Variants in INSR observed in about 807,000 individuals in gnomAD.
The protein encoded by INSR is insulin receptor.
INSR carries 67 observed loss-of-function variants against 142.6 expected under a neutral mutation model. The ratio of observed to expected loss-of-function variants is 0.47; its 90% CI spans 0.39 to 0.58. The LOEUF is 0.58. Among genes scored for constraint, INSR ranks in the 20% least tolerant of loss-of-function variants. INSR has a pLI of 0.00. For missense variants in INSR, 1,248 were observed against 1,833.2 expected, an observed-to-expected ratio of 0.68 and a Z score of 5.83; for synonymous variants, 756 against 743.1, an observed-to-expected ratio of 1.02 and a Z score of -0.28.
At chr19:7,163,948 A>AAAAAAAAAATATATATATATATATAT (rs1411048837) in intron 8 of INSR, among the ~76,000 whole-genome samples, 1 of 136,030 alleles carries the variant, frequency 7.4e-6, no homozygotes, top group African/African-American at 3.2e-5. Context: ...AAAAAAAAAA[A>AAAAAAAAAATATATATATATATATAT]ATTAGCTGGA....
intron 19 of INSR, 30 bp downstream of exon 19, chr19:7,122,584 T>C (rs1972519711): frequency 6.2e-7 from 1 of 1,613,632 alleles, no homozygotes; most frequent in Admixed American, 1.7e-5. Flanking sequence ...CCTGGGTCGT[T>C]ATGTTTTCAA....
At chr19:7,143,668 A>G (rs1362734504) in intron 11 of INSR, among the ~76,000 whole-genome samples, 1 of 152,222 alleles carries the variant, frequency 6.6e-6, no homozygotes, top group Non-Finnish European at 1.5e-5. Flanking sequence ...CATCTATGCA[A>G]TTGGCACACT....
intron 2 of INSR, among the ~76,000 whole-genome samples, chr19:7,246,370 G>A (rs927890954): frequency 9.2e-5 from 14 of 152,174 alleles, no homozygotes; most frequent in African/African-American, 2.9e-4. Context: ...GCCAACTGGA[G>A]GATGAGCAGC....
intron 2 of INSR, among the ~76,000 whole-genome samples, chr19:7,221,333 C>T (rs148636433): frequency 5.8e-4 from 87 of 150,504 alleles, no homozygotes; most frequent in African/African-American, 2.0e-3. Flanking sequence ...GAGATTGTGC[C>T]ACTGCACTCG....
rs1972282387 is a variant in INSR, at chr19:7,114,755, GA to G, written c.*2300del. Reference sequence around the variant, plus strand: ...CATGCGCTCCATTTTTTATGAGAGTGATTTTCAGAGTGATTTTATATATTAA... The same window carrying G: ...CATGCGCTCCATTTTTTATGAGAGTGTTTTCAGAGTGATTTTATATATTAA... On this transcript the variant is annotated 3_prime_UTR_variant, in exon 22 of 22. Coordinates refer to ENST00000302850, the MANE Select transcript of INSR (RefSeq NM_000208.4). 1 of 152,496 alleles carries G rather than the reference GA, an allele frequency of 6.6e-6. No homozygotes were observed. The highest frequency in any genetic ancestry group is 2.4e-5 in the African/African-American group (1 of 41,384). The allele number at this position is 152,496 out of a possible 1,614,324, so 9.4% of individuals were successfully genotyped here.
chr19:7,139,821 C>CTTTTTTTTT (rs10673049), intron 13 of INSR, among the ~76,000 whole-genome samples: 2 of 115,730 alleles, frequency 1.7e-5, no homozygotes, highest in Non-Finnish European at 3.3e-5. Context: ...GTTGCGTATT[C>CTTTTTTTTT]TTTTTTTTTT....
intron 1 of INSR, among the ~76,000 whole-genome samples, chr19:7,286,173 G>A (rs898216198): frequency 6.6e-6 from 1 of 151,484 alleles, no homozygotes; most frequent in Admixed American, 6.6e-5. Flanking sequence ...TGTAGAGACG[G>A]GGTCTTGCTA....
chr19:7,181,533 C>A (rs1228284927), intron 3 of INSR, among the ~76,000 whole-genome samples: 1 of 150,386 alleles, frequency 6.6e-6, no homozygotes, highest in African/African-American at 2.4e-5. Flanking sequence ...CCAGCAGGTA[C>A]TTTGGAACGA....
intron 1 of INSR, among the ~76,000 whole-genome samples, chr19:7,275,736 G>A (rs1054704375): frequency 2.9e-4 from 44 of 150,994 alleles, no homozygotes; most frequent in African/African-American, 9.7e-4. Flanking sequence ...GCAGTGAGCC[G>A]AGATTGTGCC....
intron 1 of INSR, among the ~76,000 whole-genome samples, chr19:7,272,297 T>G (rs1967946206): frequency 6.6e-6 from 1 of 151,502 alleles, no homozygotes. Context: ...AGAGTGAGAC[T>G]CCGTCTCTAA....
intron 2 of INSR, among the ~76,000 whole-genome samples, chr19:7,205,116 C>T (rs1344135782): frequency 1.3e-5 from 2 of 152,178 alleles, no homozygotes; most frequent in South Asian, 2.1e-4. Context: ...AAAACACCTC[C>T]TGTTGCTTGT....
chr19:7,243,850 T>C (rs1976444350), intron 2 of INSR, among the ~76,000 whole-genome samples: 1 of 152,202 alleles, frequency 6.6e-6, no homozygotes, highest in Non-Finnish European at 1.5e-5. Flanking sequence ...AAAGCAAGGA[T>C]GATTTTATAT....
intron 2 of INSR, among the ~76,000 whole-genome samples, chr19:7,218,911 T>A (rs77017252): frequency 0.16 from 24,178 of 151,932 alleles, 2,487 homozygotes; most frequent in Non-Finnish European, 0.23. Context: ...GAAAAGCATG[T>A]AGGTAGAGGG....
intron 13 of INSR, among the ~76,000 whole-genome samples, chr19:7,140,063 A>G (rs1279735901): frequency 6.6e-6 from 1 of 151,718 alleles, no homozygotes; most frequent in African/African-American, 2.4e-5. Flanking sequence ...CCTGACCTCA[A>G]CCCTGTTGCA....
intron 2 of INSR, among the ~76,000 whole-genome samples, chr19:7,222,668 C>T (rs1975656152): frequency 6.6e-6 from 1 of 151,652 alleles, no homozygotes; most frequent in Admixed American, 6.6e-5. Context: ...GCTGGGATTA[C>T]AGGCATGAGC....
intron 3 of INSR, among the ~76,000 whole-genome samples, chr19:7,182,526 T>A (rs2894552): frequency 0.65 from 98,565 of 151,890 alleles, 32,236 homozygotes; most frequent in East Asian, 0.83. Context: ...ATAAATAAAT[T>A]AATTAATTAA....
chr19:7,232,848 A>G (rs563277152), intron 2 of INSR, among the ~76,000 whole-genome samples: 131 of 152,284 alleles, frequency 8.6e-4, no homozygotes, highest in Middle Eastern at 6.8e-3. Context: ...TAATCAAAGA[A>G]ATAACAGTAG....
chr19:7,214,083 G>C (rs1010808471), intron 2 of INSR, among the ~76,000 whole-genome samples: 4 of 152,148 alleles, frequency 2.6e-5, no homozygotes, highest in Admixed American at 6.6e-5. Context: ...CTATGAACCA[G>C]CTTCACAATA....
At chr19:7,151,158 CTT>C (rs1491155823) in intron 10 of INSR, among the ~76,000 whole-genome samples, 5 of 7,154 alleles carry the variant, frequency 7.0e-4, no homozygotes, top group Non-Finnish European at 1.8e-3. Context: ...TCCTTTCTTT[CTT>C]TCTCTTTCTT....
Sources: gnomAD v4.1 joint callset for allele counts (sites outside exome capture counted in the v4.1 genomes callset) on GRCh38, gnomAD v4.1.1 for gene constraint, MANE v1.5 for transcripts, NCBI Gene and HGNC (gene_info 2026-07-23, HGNC 2026-07-21) for gene names.